The following SOX30 variants were observed in gnomAD, a reference collection of about 807,000 sequenced individuals.
The protein encoded by SOX30 is SRY-box transcription factor 30.
In SOX30, 17 loss-of-function variants were observed where a neutral mutation model predicts 58.6. The observed-to-expected ratio is 0.29, with a 90% CI of 0.20 to 0.44. The LOEUF is 0.44. Among genes scored for constraint, SOX30 ranks in the 20% least tolerant of loss-of-function variants. The pLI, the probability that SOX30 is intolerant of heterozygous loss-of-function variation, is 1.00. For synonymous variants in SOX30, 421 were observed against 400.2 expected (o/e 1.05, Z -0.62); for missense variants, 951 against 965.8 (o/e 0.98, Z 0.20).
At chr5:157,658,550 C>T (rs1337775407) in intron 2 of SOX30, among the ~76,000 whole-genome samples, 3 of 152,172 alleles carry the variant, frequency 2.0e-5, no homozygotes, top group East Asian at 1.9e-4. Context: ...TGTCAAAACT[C>T]GGAGTTATGA....
rs750363884 is a variant in SOX30, at chr5:157,626,697, G to T, written c.1905C>A (p.Pro635=). 1.2e-6 allele frequency: 2 copies of T among 1,610,898 alleles called. No homozygotes were observed. Among genetic ancestry groups the T allele is most frequent in the Non-Finnish European group, 1.7e-6 (2 of 1,178,770 alleles). ...AACTCGGAAAATTTCCATAGCCAAA[G>T]GGAGGCCGACTGTAAGGGCATGTAC... ...PSSTCPYSRP[P]FGYGNFPSSM... is the part of the protein sequence containing the mutation. Residue 635 remains proline, a synonymous_variant, in exon 5 of 5, where the codon CCC becomes CCA. Transcript: ENST00000265007.
chr5:157,630,614 A>G (rs535516372), intron 4 of SOX30, among the ~76,000 whole-genome samples: 11 of 151,972 alleles, frequency 7.2e-5, no homozygotes, highest in Non-Finnish European at 1.6e-4. Flanking sequence ...AACAAAAACA[A>G]AACAAAACAT....
chr5:157,634,985 G>A (rs1758892297), intron 4 of SOX30, among the ~76,000 whole-genome samples: 1 of 152,174 alleles, frequency 6.6e-6, no homozygotes, highest in Non-Finnish European at 1.5e-5. Flanking sequence ...TATCAGTTGG[G>A]AGAAGAGAAA....
intron 4 of SOX30, among the ~76,000 whole-genome samples, chr5:157,628,665 A>C (rs1437750121): frequency 1.4e-5 from 2 of 145,766 alleles, no homozygotes; most frequent in Non-Finnish European, 3.0e-5. Context: ...TTTTTGAGAC[A>C]GAGTCTCGCT....
At chr5:157,669,024 G>A (rs1436537087) in intron 1 of SOX30, among the ~76,000 whole-genome samples, 1 of 152,150 alleles carries the variant, frequency 6.6e-6, no homozygotes, top group Non-Finnish European at 1.5e-5. Flanking sequence ...CATTTTGACA[G>A]GTGAGGTCAC....
rs1581396687 is a variant in SOX30 at position 157,644,484 on chromosome 5, C to G, written c.1387+2153G>C. On this transcript the variant is annotated intron_variant, in intron 3 of 4. Coordinates refer to ENST00000265007, the MANE Select transcript of SOX30 (RefSeq NM_178424.2). ...CCCTACCAACATTAGAAGAAATCTT[C>G]CAGTTTCTACTAAACCCTTATCTTT... 5.9e-5 allele frequency among the ~76,000 whole-genome samples: 9 copies of G among 152,288 alleles called. 3 individuals carry two copies. The highest frequency in any genetic ancestry group is 5.9e-4 in the Admixed American group (9 of 15,304).
In SOX30 at chr5:157,638,415, A is replaced by C; in HGVS notation, c.1695T>G (p.Pro565=). 6.2e-7 allele frequency: 1 copy of C among 1,613,798 alleles called. No individual in the cohort carries two copies. ...AAGGGGAAACGCTGGAATACTCCCT[A>C]GGAGGTTGGATGGTCGAAGTTGCAA... ...ARFATSTIQP[P]REYSSVSPCP... is the part of the protein sequence containing the mutation. Residue 565 remains proline, a synonymous_variant, in exon 4 of 5, where the codon CCT becomes CCG. Transcript: ENST00000265007.
At chr5:157,660,427 T>TATAAAATAAA (rs199898416) in intron 2 of SOX30, among the ~76,000 whole-genome samples, 11 of 149,244 alleles carry the variant, frequency 7.4e-5, no homozygotes, top group East Asian at 1.9e-4. Context: ...GTCTCAAAAA[T>TATAAAATAAA]ATAAAATAAA....
chr5:157,636,768 T>A (rs2113837378), intron 4 of SOX30, among the ~76,000 whole-genome samples: 1 of 152,282 alleles, frequency 6.6e-6, no homozygotes, highest in African/African-American at 2.4e-5. Context: ...AAGATTGGTG[T>A]TAGACAGTTT....
At chr5:157,628,930 C>T (rs1027321315) in intron 4 of SOX30, among the ~76,000 whole-genome samples, 7 of 152,074 alleles carry the variant, frequency 4.6e-5, no homozygotes, top group South Asian at 4.2e-4. Context: ...TGTGAGCCAC[C>T]GTGCACGGCC....
chr5:157,664,169 G>C (rs1426570309), intron 2 of SOX30, among the ~76,000 whole-genome samples: 1 of 151,900 alleles, frequency 6.6e-6, no homozygotes, highest in Non-Finnish European at 1.5e-5. Context: ...AAGCTGGAGG[G>C]ATCACGCTAC....
intron 4 of SOX30, among the ~76,000 whole-genome samples, chr5:157,628,159 T>A (rs868639360): frequency 6.6e-6 from 1 of 151,894 alleles, no homozygotes; most frequent in Non-Finnish European, 1.5e-5. Context: ...CAAAAAAAAA[T>A]TTTTTTAAAA....
At chr5:157,645,812 G>C (rs1759176838) in intron 3 of SOX30, among the ~76,000 whole-genome samples, 1 of 152,050 alleles carries the variant, frequency 6.6e-6, no homozygotes, top group African/African-American at 2.4e-5. Context: ...TCTGAGGTCG[G>C]GAGTTCCAGA....
intron 2 of SOX30, among the ~76,000 whole-genome samples, chr5:157,667,011 C>A (rs1759688433): frequency 1.3e-5 from 2 of 152,096 alleles, no homozygotes; most frequent in African/African-American, 4.8e-5. Context: ...TGGCCAAGGT[C>A]AACTCTTTAA....
upstream of SOX30, among the ~76,000 whole-genome samples, chr5:157,657,368 T>C (rs1008754405): frequency 2.6e-5 from 4 of 152,330 alleles, no homozygotes; most frequent in Non-Finnish European, 5.9e-5. Context: ...CTAAGACTTT[T>C]TGTCATCCAC....
At chr5:157,627,972 T>C (rs1758698956) in intron 4 of SOX30, among the ~76,000 whole-genome samples, 2 of 148,056 alleles carry the variant, frequency 1.4e-5, no homozygotes, top group South Asian at 4.3e-4. Context: ...CCAGCCTGGG[T>C]GACAGAGTGA....
At chr5:157,644,681 G>A (rs548493642) in intron 3 of SOX30, among the ~76,000 whole-genome samples, 1 of 152,288 alleles carries the variant, frequency 6.6e-6, no homozygotes, top group South Asian at 2.1e-4. Context: ...TATGAAAACA[G>A]AAATCATAAC....
chr5:157,643,801 C>T (rs1397939639), intron 3 of SOX30, among the ~76,000 whole-genome samples: 2 of 151,832 alleles, frequency 1.3e-5, no homozygotes, highest in African/African-American at 4.8e-5. Context: ...TTACTTGAAA[C>T]AACAAAAAAG....
chr5:157,633,373 T>C (rs1431067398), intron 4 of SOX30, among the ~76,000 whole-genome samples: 2 of 152,210 alleles, frequency 1.3e-5, no homozygotes, highest in African/African-American at 2.4e-5. Context: ...AAACTATTTC[T>C]GAATCTGAAA....
Sources: gnomAD v4.1 joint callset for allele counts (sites outside exome capture counted in the v4.1 genomes callset) on GRCh38, gnomAD v4.1.1 for gene constraint, MANE v1.5 for transcripts, NCBI Gene and HGNC (gene_info 2026-07-23, HGNC 2026-07-21) for gene names.